NYAP2: variants seen among roughly 807,000 people sequenced by gnomAD.
The protein encoded by NYAP2 is neuronal tyrosine-phosphorylated phosphoinositide-3-kinase adaptor 2.
A neutral mutation model predicts 50.4 loss-of-function variants in NYAP2; 23 were observed. The ratio of observed to expected loss-of-function variants is 0.46; its 90% confidence interval spans 0.33 to 0.65. The LOEUF (loss-of-function observed/expected upper bound fraction) is 0.65. Ranked by LOEUF, NYAP2 falls within the 30% of genes least tolerant of loss-of-function variation. The pLI, the probability that NYAP2 is intolerant of heterozygous loss-of-function variation, is 0.02. For synonymous variants in NYAP2, 394 were observed against 365.2 expected (o/e 1.08, Z -0.90); for missense variants, 885 against 861.0 (o/e 1.03, Z -0.35).
rs374819518 is a variant in NYAP2, at chr2:225,487,480, C to T, written c.222-25891C>T. ...GTTTAAGCGATTCTCCTGCCTCAGC[C>T]TTGCGAGTAACTTGGATTATAGGCG... is the stretch of plus-strand genomic sequence containing the variant. On this transcript the variant is annotated intron_variant, in intron 3 of 6. Transcript: ENST00000636099. Among the ~76,000 whole-genome samples, 15 of 152,124 alleles carry T rather than the reference C, an allele frequency of 9.9e-5. No individual in the cohort carries two copies. In the South Asian group the frequency reaches 2.7e-3, roughly 27 times the overall value.
chr2:225,586,242 T>G (rs1692387800), intron 5 of NYAP2, among the ~76,000 whole-genome samples: 1 of 152,230 alleles, frequency 6.6e-6, no homozygotes, highest in South Asian at 2.1e-4. Flanking sequence ...TAAAGGTTTA[T>G]AATTGTTGAT....
intron 4 of NYAP2, among the ~76,000 whole-genome samples, chr2:225,522,769 G>T (rs1487178352): frequency 6.6e-6 from 1 of 152,120 alleles, no homozygotes; most frequent in East Asian, 1.9e-4. Context: ...AGGTCATAGA[G>T]CCAGCAATGA....
chr2:225,676,160 G>A, the NYAP2 span, among the ~76,000 whole-genome samples: 1 of 152,128 alleles, frequency 6.6e-6, no homozygotes, highest in Admixed American at 6.6e-5. Context: ...AGTTTAACTA[G>A]GCCCCACATC....
At chr2:225,615,846 A>T (rs1163007153) in intron 5 of NYAP2, among the ~76,000 whole-genome samples, 1 of 152,206 alleles carries the variant, frequency 6.6e-6, no homozygotes, top group Non-Finnish European at 1.5e-5. Flanking sequence ...GTTTCTAAGG[A>T]AAAGAGAGCA....
intron 3 of NYAP2, among the ~76,000 whole-genome samples, chr2:225,446,185 T>C (rs1314186734): frequency 2.6e-5 from 1 of 37,878 alleles, no homozygotes; most frequent in Non-Finnish European, 6.8e-5. Flanking sequence ...CATCTCTCTG[T>C]CTGTCTGTCT....
intron 3 of NYAP2, among the ~76,000 whole-genome samples, chr2:225,452,078 A>G (rs1260836550): frequency 6.6e-6 from 1 of 152,158 alleles, no homozygotes; most frequent in African/African-American, 2.4e-5. Flanking sequence ...TACCAGGAAG[A>G]ATTGTTCCAG....
At chr2:225,453,834 A>ATTT (rs766421405) in intron 3 of NYAP2, among the ~76,000 whole-genome samples, 1 of 126,590 alleles carries the variant, frequency 7.9e-6, no homozygotes, top group Admixed American at 8.1e-5. Flanking sequence ...CGCCCGGCTA[A>ATTT]TTTTTTTTTT....
chr2:225,589,974 G>A (rs1030061326), intron 5 of NYAP2, among the ~76,000 whole-genome samples: 6 of 152,074 alleles, frequency 3.9e-5, no homozygotes, highest in Non-Finnish European at 5.9e-5. Flanking sequence ...CAACCTGACC[G>A]GAGTTAGGGG....
downstream of NYAP2, among the ~76,000 whole-genome samples, chr2:225,656,877 A>G (rs948749025): frequency 6.6e-6 from 1 of 152,078 alleles, no homozygotes; most frequent in Non-Finnish European, 1.5e-5. Context: ...ATCTTTCTGT[A>G]TATGCGCTTC....
intron 3 of NYAP2, among the ~76,000 whole-genome samples, chr2:225,459,386 ATGTTTG>A (rs1689788651): frequency 6.6e-6 from 1 of 152,112 alleles, no homozygotes; most frequent in Non-Finnish European, 1.5e-5. Context: ...CTCCCACCTG[ATGTTTG>A]CACAGTACTT....
At chr2:225,558,369 C>G (rs997895429) in intron 4 of NYAP2, among the ~76,000 whole-genome samples, 2 of 152,030 alleles carry the variant, frequency 1.3e-5, no homozygotes, top group Non-Finnish European at 2.9e-5. Flanking sequence ...TAGGGGAAAC[C>G]CTTTGTCCAT....
intron 3 of NYAP2, among the ~76,000 whole-genome samples, chr2:225,492,459 G>T (rs1349429103): frequency 6.6e-6 from 1 of 152,166 alleles, no homozygotes; most frequent in Admixed American, 6.5e-5. Flanking sequence ...CAAAACAGGG[G>T]CATGGTAATA....
chr2:225,412,255 C>CTT (rs560637948), intron 3 of NYAP2, among the ~76,000 whole-genome samples: 3,045 of 59,050 alleles, frequency 0.052, 529 homozygotes, highest in African/African-American at 0.15. Context: ...CTGCGCCCGG[C>CTT]TTTTTTTTTT....
chr2:225,494,878 A>G (rs948342963), intron 3 of NYAP2, among the ~76,000 whole-genome samples: 3 of 152,180 alleles, frequency 2.0e-5, no homozygotes, highest in African/African-American at 7.2e-5. Flanking sequence ...ATTTCACAAG[A>G]ATGTTCAATA....
At chr2:225,593,911 A>C (rs1053385717) in intron 5 of NYAP2, among the ~76,000 whole-genome samples, 26 of 152,246 alleles carry the variant, frequency 1.7e-4, no homozygotes, top group African/African-American at 6.0e-4. Context: ...TTCAGCAAAA[A>C]AGCAGCTATG....
intron 3 of NYAP2, among the ~76,000 whole-genome samples, chr2:225,457,187 A>G (rs1281201207): frequency 1.3e-5 from 2 of 152,128 alleles, no homozygotes; most frequent in South Asian, 2.1e-4. Flanking sequence ...TGCTTTTCCT[A>G]TAATATCGCT....
In NYAP2 at chr2:225,554,467, G is replaced by C. The variant is rs149030120; in HGVS notation, c.524-27474G>C. 9.0e-4 allele frequency among the ~76,000 whole-genome samples: 137 copies of C among 151,792 alleles called. 1 individual carries two copies. Among genetic ancestry groups the C allele is most frequent in the African/African-American group, 3.1e-3 (129 of 41,380 alleles). Reference sequence around the variant, plus strand: ...TCCTGAGTAGCTGGGATTACAGGTGGGCACTACCACACATGGCTAATTTTT... The same window carrying C: ...TCCTGAGTAGCTGGGATTACAGGTGCGCACTACCACACATGGCTAATTTTT... On this transcript the variant is annotated intron_variant, in intron 4 of 6. Coordinates refer to ENST00000636099, the Ensembl canonical transcript of NYAP2.
At chr2:225,450,254 C>T (rs1389594740) in intron 3 of NYAP2, among the ~76,000 whole-genome samples, 2 of 152,084 alleles carry the variant, frequency 1.3e-5, no homozygotes, top group Non-Finnish European at 2.9e-5. Flanking sequence ...GTGGAAAATG[C>T]AATTTCAGTA....
intron 3 of NYAP2, among the ~76,000 whole-genome samples, chr2:225,487,402 C>T (rs1341773294): frequency 2.0e-5 from 3 of 152,024 alleles, no homozygotes; most frequent in Non-Finnish European, 1.5e-5. Flanking sequence ...CTCTGTCACC[C>T]AGGCTGGAGT....
Sources: allele counts gnomAD v4.1 joint callset (sites outside exome capture counted in the v4.1 genomes callset), GRCh38; gene constraint gnomAD v4.1.1; transcripts MANE v1.5; gene names NCBI Gene and HGNC (gene_info 2026-07-23, HGNC 2026-07-21).